CFAP65: variants seen among roughly 807,000 people sequenced by gnomAD.
CFAP65 encodes the protein cilia- and flagella-associated protein 65.
CFAP65 carries 155 observed loss-of-function variants against 208.0 expected under a neutral mutation model. The observed-to-expected ratio is 0.75, with a 90% CI of 0.65 to 0.85. The LOEUF (loss-of-function observed/expected upper bound fraction) is 0.85, where lower values mean the gene tolerates loss of function less well. Among genes scored for constraint, CFAP65 ranks in the 40% least tolerant of loss-of-function variants. The pLI, the probability that CFAP65 is intolerant of heterozygous loss-of-function variation, is 0.00. For synonymous variants in CFAP65, 970 were observed against 986.3 expected, an observed-to-expected ratio of 0.98 and a Z score of 0.31; for missense variants, 2,294 against 2,451.3, an observed-to-expected ratio of 0.94 and a Z score of 1.36.
At chr2:219,024,325 G>T in intron 14 of CFAP65, 65 bp from the exon 15 acceptor site, 4 of 1,543,266 alleles carry the variant, frequency 2.6e-6, no homozygotes, top group Non-Finnish European at 3.5e-6. Context: ...ACACACTCAG[G>T]GCCCTATGGG....
chr2:219,029,048 C>T (rs1947842739), intron 11 of CFAP65, among the ~76,000 whole-genome samples: 1 of 152,164 alleles, frequency 6.6e-6, no homozygotes, highest in African/African-American at 2.4e-5. Flanking sequence ...TGGGGTGGCT[C>T]CAGGGAAGAA....
At chr2:219,026,228 C>A in intron 13 of CFAP65, 69 bp from the exon 14 acceptor site, 1 of 1,527,716 alleles carries the variant, frequency 6.5e-7, no homozygotes, top group Non-Finnish European at 8.9e-7. Context: ...CCCCATTTTG[C>A]CCCTCCTTGC....
intron 13 of CFAP65, chr2:219,026,847 A>G: frequency 3.0e-6 from 3 of 986,462 alleles, no homozygotes; most frequent in Non-Finnish European, 3.6e-6. Flanking sequence ...TTATTCCTAC[A>G]AACCTCAACA....
intron 10 of CFAP65, 75 bp downstream of exon 10, chr2:219,029,911 C>A: frequency 7.0e-7 from 1 of 1,436,280 alleles, no homozygotes; most frequent in Non-Finnish European, 9.6e-7. Context: ...CTCCTAGGAG[C>A]AGGGAAGGAG....
At chr2:219,029,091 G>T (rs1351658623) in intron 11 of CFAP65, among the ~76,000 whole-genome samples, 1 of 152,214 alleles carries the variant, frequency 6.6e-6, no homozygotes, top group African/African-American at 2.4e-5. Flanking sequence ...GCAAAGAAAA[G>T]GCAAAGCCTG....
At chr2:219,026,914 C>T (rs1328400685) in intron 13 of CFAP65, 3 of 986,292 alleles carry the variant, frequency 3.0e-6, no homozygotes, top group Non-Finnish European at 3.6e-6. Context: ...CTTTGGAAAG[C>T]CTCCTCAAAA....
In CFAP65 at chr2:219,003,051, G is replaced by C; in HGVS notation, c.5694-30C>G. 2.6e-6 allele frequency: 4 copies of C among 1,551,872 alleles called. No individual in the cohort carries two copies. The highest frequency in any genetic ancestry group is 3.5e-6 in the Non-Finnish European group (4 of 1,147,106). ...AAGACAAAAAGTCCCAGGTAGGCGT[G>C]GGGGCGAGGCTTCGGGCAGAGCCTG... On this transcript the variant is annotated intron_variant, in intron 34 of 34. Coordinates refer to ENST00000341552, the MANE Select transcript of CFAP65 (RefSeq NM_194302.4). The surrounding 1 kb of genome is among the most constrained non-coding windows in gnomAD (Gnocchi z 4.4).
chr2:219,003,093 C>A lies in CFAP65; in HGVS notation c.5693+42G>T. On this transcript the variant is annotated intron_variant, in intron 34 of 34. Transcript: ENST00000341552. This position sits in a 1 kb window ranked among gnomAD's most constrained non-coding sequence, Gnocchi z 4.4. ...CAGAGCCTGGCTGCCCCCGTGGCCCCTCTCGCGCGGTCTGCGCGGCCGCTG... is the reference window on the plus strand; with the variant it reads ...CAGAGCCTGGCTGCCCCCGTGGCCCATCTCGCGCGGTCTGCGCGGCCGCTG... The A allele has an allele frequency of 6.5e-7, 1 of 1,545,390 alleles. No homozygotes were observed. Among genetic ancestry groups the A allele is most frequent in the Non-Finnish European group, 8.7e-7 (1 of 1,143,068 alleles).
In CFAP65 at chr2:219,022,295, G is replaced by A. The variant is rs1311024866; in HGVS notation, c.2855C>T (p.Thr952Ile). Residue 952 changes from threonine (T) to isoleucine (I), a missense_variant, in exon 17 of 35, where the codon ACC becomes ATC. Around this residue, in one of 2 missense-constraint regions of CFAP65, gnomAD observed 1,427 missense variants for 1,438.7 expected, o/e 0.99. Coordinates refer to ENST00000341552, the MANE Select transcript of CFAP65 (RefSeq NM_194302.4). ...CATCCCCACTTGGAACAGGTACTTGGTCTCCTCCAAAGGGCTGAAGGTCCA... is the reference window on the plus strand; with the variant it reads ...CATCCCCACTTGGAACAGGTACTTGATCTCCTCCAAAGGGCTGAAGGTCCA... Reference protein sequence around the residue: ...LTWTFSPLEETKYLFQVGMWV... With the variant: ...LTWTFSPLEEIKYLFQVGMWV... The A allele has an allele frequency of 2.5e-6, 4 of 1,607,244 alleles. No homozygotes were observed. The highest frequency in any genetic ancestry group is 3.4e-6 in the Non-Finnish European group (4 of 1,177,128).
At chr2:219,011,283 T>C (rs1224170464) in intron 24 of CFAP65, among the ~76,000 whole-genome samples, 2 of 143,434 alleles carry the variant, frequency 1.4e-5, no homozygotes, top group Non-Finnish European at 3.0e-5. Flanking sequence ...TTTTTTTTTT[T>C]TTTTTTTTTG....
At position 219,003,403 on chromosome 2, in the gene CFAP65, T is replaced by C. The variant is rs1003868351; in HGVS notation, c.5556-131A>G. 1 of 1,132,774 alleles carries C rather than the reference T, an allele frequency of 8.8e-7. No individual in the cohort carries two copies. The highest frequency in any genetic ancestry group is 1.2e-6 in the Non-Finnish European group (1 of 831,482). The allele number at this position is 1,132,774 out of a possible 1,614,324, so 70.2% of individuals were successfully genotyped here. A position where few individuals can be genotyped will look rare whatever the true frequency, so the allele number is the denominator to read the frequency against. On this transcript the variant is annotated intron_variant, in intron 33 of 34. Transcript: ENST00000341552. The surrounding 1 kb of genome is among the most constrained non-coding windows in gnomAD (Gnocchi z 4.4). ...ATTCGACTCCCCTCATCCACTACAC[T>C]ATGGGGCATTCTTGTTTCAATGTTA...
chr2:219,008,168 A>C (rs899193671), intron 29 of CFAP65, among the ~76,000 whole-genome samples: 1 of 152,162 alleles, frequency 6.6e-6, no homozygotes, highest in African/African-American at 2.4e-5. Flanking sequence ...AAACGTATAC[A>C]AAAGTGGAGG....
At position 219,010,804 on chromosome 2, in the gene CFAP65, C is replaced by A. The variant is rs2106102380; in HGVS notation, c.4149+1G>T. 1.2e-6 allele frequency: 2 copies of A among 1,601,528 alleles called. No individual in the cohort carries two copies. The highest frequency in any genetic ancestry group is 1.7e-6 in the Non-Finnish European group (2 of 1,170,886). On this transcript the variant is annotated splice_donor_variant, in intron 25 of 34. Transcript: ENST00000341552. LOFTEE classifies it high-confidence loss of function. ...CCCACGTCATCCAGGTTGCTGCTCA[C>A]CGTGTAGGTCTTGGCCTCGATAGGT...
In CFAP65 at chr2:219,030,713, C is replaced by T. The variant is rs755261605; in HGVS notation, c.1137G>A (p.Gln379=). 6.2e-7 allele frequency: 1 copy of T among 1,614,114 alleles called. No individual in the cohort carries two copies. Among genetic ancestry groups the T allele is most frequent in the Non-Finnish European group, 8.5e-7 (1 of 1,179,932 alleles). ...CCGCCGACGGGTTGTGTAGCCTGAT[C>T]TGCCTCTCCGAGGTGCAGCCCACAG... The part of the protein sequence containing the change: ...SVAVGCTSER[Q]IRLHNPSAVN... Residue 379 remains glutamine, a synonymous_variant, in exon 9 of 35, where the codon CAG becomes CAA. Coordinates refer to ENST00000341552, the MANE Select transcript of CFAP65 (RefSeq NM_194302.4).
intron 17 of CFAP65, 90 bp from the exon 18 acceptor site, chr2:219,022,020 G>A (rs1486076077): frequency 3.2e-6 from 5 of 1,565,562 alleles, no homozygotes; most frequent in Non-Finnish European, 2.6e-6. Context: ...CATCCCCCAA[G>A]GAAGGGCAAG....
chr2:219,009,417 G>A lies in CFAP65; in HGVS notation c.4496C>T (p.Thr1499Met), dbSNP rs367609058. ...PMIGVVAPEE[T>M]VPFVVTLRAS... ...CCTCAAGGTCACCACAAATGGGACC[G>A]TCTCTTCAGGAGCCACCACCCCTAT... is the stretch of plus-strand genomic sequence containing the variant. Residue 1499 changes from threonine to methionine, a missense_variant, in exon 28 of 35, where the codon ACG becomes ATG. Physicochemically the swap from Thr to Met is moderately conservative, Grantham distance 81 (BLOSUM62 -1). This residue lies in a region of CFAP65 where 1,427 missense variants were observed against 1,438.7 expected (regional missense o/e 0.99). Transcript: ENST00000341552. 3.8e-5 allele frequency: 62 copies of A among 1,612,630 alleles called. No individual in the cohort carries two copies. The highest frequency in any genetic ancestry group is 3.1e-4 in the African/African-American group (23 of 75,020).
Position 219,031,644 on chromosome 2 carries a change from G to A in CFAP65, c.660C>T (p.Asp220=), listed in dbSNP as rs534170514. 6.2e-7 allele frequency: 1 copy of A among 1,610,836 alleles called. No individual in the cohort carries two copies. Among genetic ancestry groups the A allele is most frequent in the African/African-American group, 1.3e-5 (1 of 75,006 alleles). Residue 220 remains aspartate, a synonymous_variant, in exon 7 of 35, where the codon GAC becomes GAT. Coordinates refer to ENST00000341552, the MANE Select transcript of CFAP65 (RefSeq NM_194302.4). This position sits in a 1 kb window ranked among gnomAD's most constrained non-coding sequence, Gnocchi z 5.2. ...CCTCCGCTTTCTCAAACCACAGCTG[G>A]TCCATGTACTCCTTCTGCAGTGTGA... ...FRPLEAKEYM[D]QLWFEKAEGM... is the part of the protein sequence containing the mutation.
chr2:219,013,242 C>G lies in CFAP65; in HGVS notation c.3957+17G>C. The G allele has an allele frequency of 6.4e-7, 1 of 1,555,076 alleles. No homozygotes were observed. Among genetic ancestry groups the G allele is most frequent in the Middle Eastern group, 1.7e-4 (1 of 5,828 alleles). On this transcript the variant is annotated intron_variant, in intron 24 of 34. Transcript: ENST00000341552. ...ACTTAGGCCTTCTTGGTCAACAGGA[C>G]AATGTGGACCACTGACCTGCCGTGG...
chr2:219,024,209 C>G lies in CFAP65; in HGVS notation c.2401G>C (p.Val801Leu). The change falls in exon 15 of 35, where the codon GTC becomes CTC. Residue 801 changes from valine to leucine, a missense_variant. Transcript: ENST00000341552. ...GTCAGCAGCTTGCAGTCTTTGTTGACCAGGAGCAGGCTGCGGTAGGTGGGC... is the reference window on the plus strand; with the variant it reads ...GTCAGCAGCTTGCAGTCTTTGTTGAGCAGGAGCAGGCTGCGGTAGGTGGGC... Reference protein sequence around the residue: ...GEPTYRSLLLVNKDCKLLTFS... With the variant: ...GEPTYRSLLLLNKDCKLLTFS... 1 of 1,613,856 alleles carries G rather than the reference C, an allele frequency of 6.2e-7. No individual in the cohort carries two copies. The highest frequency in any genetic ancestry group is 1.1e-5 in the South Asian group (1 of 91,076).
Sources: allele counts gnomAD v4.1 joint callset (sites outside exome capture counted in the v4.1 genomes callset), GRCh38; gene constraint gnomAD v4.1.1; regional missense constraint gnomAD v4.1.1; non-coding constraint Gnocchi (gnomAD v3.1); transcripts MANE v1.5; gene names NCBI Gene and HGNC (gene_info 2026-07-23, HGNC 2026-07-21).